The following ZNF592 variants were observed in gnomAD, a reference collection of about 807,000 sequenced individuals.
ZNF592 encodes spinocerebellar ataxia, autosomal recessive 5.
Under a neutral mutation model 80.3 loss-of-function variants are expected in ZNF592, and 11 were observed. That is an observed-to-expected ratio of 0.14 (90% CI 0.09 to 0.23). The LOEUF (loss-of-function observed/expected upper bound fraction) is 0.23, where lower values mean the gene tolerates loss of function less well. Ranked by LOEUF, ZNF592 falls within the 10% of genes least tolerant of loss-of-function variation. The pLI is 1.00. For missense variants in ZNF592, 1,420 were observed against 1,633.9 expected (o/e 0.87, Z 2.26); for synonymous variants, 646 against 640.3 (o/e 1.01, Z -0.13).
chr15:84,787,610 C>T (rs1400618538), intron 4 of ZNF592, among the ~76,000 whole-genome samples: 1 of 152,196 alleles, frequency 6.6e-6, no homozygotes, highest in African/African-American at 2.4e-5. Flanking sequence ...CCTCCCTCTG[C>T]AGTGACCCAG....
At chr15:84,795,478 T>C (rs767719704) in intron 5 of ZNF592, among the ~76,000 whole-genome samples, 2 of 152,242 alleles carry the variant, frequency 1.3e-5, no homozygotes, top group Non-Finnish European at 2.9e-5. Flanking sequence ...CAAAGAAATG[T>C]CTACCAGATA....
intron 1 of ZNF592, 70 bp from the exon 2 acceptor site, chr15:84,764,637 T>TAATA: frequency 2.5e-6 from 1 of 397,328 alleles, no homozygotes; most frequent in Non-Finnish European, 4.4e-6. Flanking sequence ...TTTTTTAAAC[T>TAATA]ATCTTTCCTT....
At chr15:84,788,326 T>C (rs983364554) in intron 4 of ZNF592, among the ~76,000 whole-genome samples, 1 of 152,268 alleles carries the variant, frequency 6.6e-6, no homozygotes, top group African/African-American at 2.4e-5. Flanking sequence ...TCTAATTTTA[T>C]TGAGTTTCAA....
intron 2 of ZNF592, among the ~76,000 whole-genome samples, chr15:84,766,652 A>AG (rs1899530272): frequency 6.6e-6 from 1 of 151,272 alleles, no homozygotes; most frequent in African/African-American, 2.4e-5. Flanking sequence ...AAGAGAAGAG[A>AG]GGGAGAGAAA....
Position 84,783,907 on chromosome 15 carries a change from G to A in ZNF592, c.1232G>A (p.Gly411Glu). ...PSKSPVGSPL[G>E]SAIAEAPSEM... is the part of the protein sequence containing the mutation. ...AAGTCCCCTGTTGGGTCACCTCTAGGGAGCGCCATTGCAGAGGCCCCCAGC... is the reference window on the plus strand; with the variant it reads ...AAGTCCCCTGTTGGGTCACCTCTAGAGAGCGCCATTGCAGAGGCCCCCAGC... The change falls in exon 4 of 11, where the codon GGG becomes GAG. Residue 411 changes from glycine (G) to glutamate (E), a missense_variant. By Grantham distance (98) the Gly-to-Glu change is moderately conservative. This residue lies in a region of ZNF592 where 524 missense variants were observed against 628.3 expected (regional missense o/e 0.83). Transcript: ENST00000560079. This position sits in a 1 kb window ranked among gnomAD's most constrained non-coding sequence, Gnocchi z 5.0. 6.2e-7 allele frequency: 1 copy of A among 1,614,174 alleles called. No individual in the cohort carries two copies. The highest frequency in any genetic ancestry group is 8.5e-7 in the Non-Finnish European group (1 of 1,179,998).
intron 3 of ZNF592, among the ~76,000 whole-genome samples, chr15:84,779,984 G>GT (rs72491489): frequency 0.097 from 12,808 of 131,436 alleles, 1,084 homozygotes; most frequent in East Asian, 0.3. Context: ...TTCCTAGACA[G>GT]TTTTGTTTTT....
In ZNF592 at chr15:84,799,739, A is replaced by C. The variant is rs1431886599; in HGVS notation, c.3138-103A>C. Reference sequence around the variant, plus strand: ...TGGGGTTCCCAGCACTAGCCAGCCCAGGAGTCTGCTCCAGACTCCCTCCTT... The same window carrying C: ...TGGGGTTCCCAGCACTAGCCAGCCCCGGAGTCTGCTCCAGACTCCCTCCTT... On this transcript the variant is annotated intron_variant, in intron 9 of 10. Coordinates refer to ENST00000560079, the MANE Select transcript of ZNF592 (RefSeq NM_014630.3). This position sits in a 1 kb window ranked among gnomAD's most constrained non-coding sequence, Gnocchi z 4.2. The C allele has an allele frequency of 9.7e-6, 15 of 1,550,136 alleles. No individual in the cohort carries two copies. Among genetic ancestry groups the C allele is most frequent in the Non-Finnish European group, 1.2e-5 (14 of 1,134,524 alleles).
chr15:84,754,706 A>T, intron 1 of ZNF592, among the ~76,000 whole-genome samples: 1 of 122,862 alleles, frequency 8.1e-6, no homozygotes, highest in African/African-American at 3.0e-5. Context: ...CCGTCTCTTA[A>T]AAAAAAAAAA....
At chr15:84,760,100 C>A (rs1193794470) in intron 1 of ZNF592, among the ~76,000 whole-genome samples, 1 of 151,524 alleles carries the variant, frequency 6.6e-6, no homozygotes, top group East Asian at 1.9e-4. Flanking sequence ...TTTAAAATGT[C>A]AGTCTGATAG....
chr15:84,755,771 A>G (rs896456961), intron 1 of ZNF592, among the ~76,000 whole-genome samples: 3 of 152,174 alleles, frequency 2.0e-5, no homozygotes, highest in African/African-American at 4.8e-5. Flanking sequence ...GCCTAGAACT[A>G]TGTCCCTATA....
At chr15:84,774,535 C>A (rs539253769) in intron 2 of ZNF592, among the ~76,000 whole-genome samples, 2 of 152,280 alleles carry the variant, frequency 1.3e-5, no homozygotes, top group East Asian at 3.9e-4. Context: ...AAGCATAAAT[C>A]ACTAGTCCAA....
chr15:84,775,720 GC>G (rs1962229338), intron 2 of ZNF592, among the ~76,000 whole-genome samples: 1 of 152,200 alleles, frequency 6.6e-6, no homozygotes, highest in South Asian at 2.1e-4. Context: ...ATGAGCCACT[GC>G]GCCCGGCCGA....
Position 84,782,655 on chromosome 15 carries a change from A to C in ZNF592, c.-19-2A>C, listed in dbSNP as rs1414567034. ...TGATTCTGTTTTCTGTTTCTGTTAC[A>C]GCCCTTGCCAGCATCCAGCCATGGG... On this transcript the variant is annotated splice_acceptor_variant, in intron 3 of 10. Coordinates refer to ENST00000560079, the MANE Select transcript of ZNF592 (RefSeq NM_014630.3). LOFTEE classifies it low-confidence loss of function (5UTR_SPLICE). The C allele has an allele frequency of 6.2e-7, 1 of 1,613,936 alleles. No homozygotes were observed. The highest frequency in any genetic ancestry group is 8.5e-7 in the Non-Finnish European group (1 of 1,179,948).
rs1962721580 is a variant in ZNF592, at chr15:84,790,700, C to T, written c.2221-5C>T. The T allele has an allele frequency of 6.2e-7, 1 of 1,614,138 alleles. No individual in the cohort carries two copies. The highest frequency in any genetic ancestry group is 8.5e-7 in the Non-Finnish European group (1 of 1,180,026). Reference sequence around the variant, plus strand: ...ATGATCTGCTTTCTTGGTGTTCTTTCCTAGACCTGCCAGGTATGCCAAATG... The same window carrying T: ...ATGATCTGCTTTCTTGGTGTTCTTTTCTAGACCTGCCAGGTATGCCAAATG... On this transcript the variant is annotated splice_polypyrimidine_tract_variant and splice_region_variant and intron_variant, in intron 4 of 10. Coordinates refer to ENST00000560079, the MANE Select transcript of ZNF592 (RefSeq NM_014630.3).
Position 84,805,965 on chromosome 15 carries a change from G to T in ZNF592, c.*3572G>T, listed in dbSNP as rs1484284844. 2.0e-5 allele frequency: 3 copies of T among 152,478 alleles called. No homozygotes were observed. Among genetic ancestry groups the T allele is most frequent in the East Asian group, 3.8e-4 (2 of 5,196 alleles). The allele number at this position is 152,478 out of a possible 1,614,324, so 9.4% of individuals were successfully genotyped here. On this transcript the variant is annotated 3_prime_UTR_variant, in exon 11 of 11. Coordinates refer to ENST00000560079, the MANE Select transcript of ZNF592 (RefSeq NM_014630.3). ...ATATCTATTTTTAATACAAATAGTA[G>T]AATTCTATACACAGTGTTCTGAAGC...
intron 10 of ZNF592, among the ~76,000 whole-genome samples, chr15:84,801,127 C>T (rs1027045722): frequency 2.0e-5 from 3 of 152,158 alleles, no homozygotes; most frequent in Non-Finnish European, 4.4e-5. Flanking sequence ...TTGAGACCAG[C>T]CTAGGCAACA....
chr15:84,775,983 T>A (rs973613294), intron 2 of ZNF592, among the ~76,000 whole-genome samples: 1 of 152,252 alleles, frequency 6.6e-6, no homozygotes, highest in Non-Finnish European at 1.5e-5. Context: ...AATCTGCCAG[T>A]CTTAGAGTTG....
intron 2 of ZNF592, among the ~76,000 whole-genome samples, chr15:84,771,855 A>G (rs1381488495): frequency 6.6e-6 from 1 of 152,118 alleles, no homozygotes; most frequent in East Asian, 1.9e-4. Context: ...TCAGATGTGT[A>G]TTCAAGAGGC....
At chr15:84,749,514 G>A (rs917524023) in intron 1 of ZNF592, among the ~76,000 whole-genome samples, 3 of 152,210 alleles carry the variant, frequency 2.0e-5, no homozygotes, top group African/African-American at 4.8e-5. Flanking sequence ...TCCTGGATTG[G>A]AATAAGTCCA....
Sources: gnomAD v4.1 joint callset for allele counts (sites outside exome capture counted in the v4.1 genomes callset) on GRCh38, gnomAD v4.1.1 for gene constraint, gnomAD v4.1.1 regional missense constraint, Gnocchi (gnomAD v3.1) non-coding constraint, MANE v1.5 for transcripts, NCBI Gene and HGNC (gene_info 2026-07-23, HGNC 2026-07-21) for gene names.